SH3KBP1: variants seen among roughly 807,000 people sequenced by gnomAD.
SH3KBP1 encodes the protein SH3 domain-containing kinase-binding protein 1.
A neutral mutation model predicts 50.1 loss-of-function variants in SH3KBP1; 8 were observed. The observed-to-expected ratio is 0.16, with a 90% confidence interval of 0.09 to 0.29. The LOEUF is 0.29. SH3KBP1 is among the 10% of genes least tolerant of loss of function. The pLI is 1.00. For synonymous variants in SH3KBP1, 227 were observed against 218.6 expected, an observed-to-expected ratio of 1.04 and a Z score of -0.34; for missense variants, 377 against 535.2, an observed-to-expected ratio of 0.70 and a Z score of 2.92.
At chrX:19,572,480 T>C (rs1448162727) in intron 12 of SH3KBP1, among the ~76,000 whole-genome samples, 1 of 106,339 alleles carries the variant, frequency 9.4e-6, no homozygotes, top group East Asian at 2.8e-4. Context: ...CTATATATAG[T>C]ACATATATGT....
chrX:19,560,014 C>T (rs1303208062), intron 13 of SH3KBP1, among the ~76,000 whole-genome samples: 1 of 110,801 alleles, frequency 9.0e-6, no homozygotes, highest in Non-Finnish European at 1.9e-5. Flanking sequence ...GAGCCAGGTG[C>T]AGTAGCATGC....
intron 12 of SH3KBP1, among the ~76,000 whole-genome samples, chrX:19,583,057 G>C (rs2066424397): frequency 9.2e-6 from 1 of 108,541 alleles, no homozygotes; most frequent in Non-Finnish European, 1.9e-5. Context: ...TTCTTCTTTT[G>C]GACTCTTCTC....
intron 6 of SH3KBP1, chrX:19,670,853 A>AAAAAAAAAAAAAAAAT: frequency 1.7e-6 from 2 of 1,146,356 alleles, no homozygotes; most frequent in African/African-American, 1.9e-5. Context: ...AAAAAAAAAA[A>AAAAAAAAAAAAAAAAT]AGAAATACCT....
At chrX:19,788,758 T>C (rs2066441572) in intron 2 of SH3KBP1, among the ~76,000 whole-genome samples, 1 of 112,260 alleles carries the variant, frequency 8.9e-6, no homozygotes, top group Non-Finnish European at 1.9e-5. Flanking sequence ...ACCTATAAAG[T>C]ACCAATCTCT....
intron 9 of SH3KBP1, among the ~76,000 whole-genome samples, chrX:19,604,163 G>A (rs1457744574): frequency 3.6e-5 from 4 of 111,525 alleles, no homozygotes; most frequent in Non-Finnish European, 5.6e-5. Context: ...TAATCTTTCC[G>A]TTCTGGTATT....
chrX:19,832,254 C>T (rs1443374703), intron 2 of SH3KBP1, among the ~76,000 whole-genome samples: 1 of 111,326 alleles, frequency 9.0e-6, no homozygotes, highest in Non-Finnish European at 1.9e-5. Context: ...CAATTCAGGC[C>T]CAGAGGAGAG....
At chrX:19,542,832 G>T (rs776480378) in intron 15 of SH3KBP1, among the ~76,000 whole-genome samples, 2 of 111,796 alleles carry the variant, frequency 1.8e-5, no homozygotes, top group Non-Finnish European at 3.8e-5. Flanking sequence ...CTGCTAGACC[G>T]TCAGAGGGGG....
chrX:19,553,951 TAAA>T (rs1349713394), intron 13 of SH3KBP1, among the ~76,000 whole-genome samples: 1 of 66,220 alleles, frequency 1.5e-5, no homozygotes, highest in Non-Finnish European at 2.4e-5. Context: ...TAATATATAT[TAAA>T]ATATAATATA....
chrX:19,592,771 G>T (rs1351700773), intron 10 of SH3KBP1, among the ~76,000 whole-genome samples: 1 of 112,471 alleles, frequency 8.9e-6, no homozygotes, highest in Non-Finnish European at 1.9e-5. Context: ...CATGTAAGAA[G>T]TCAACTACCC....
intron 9 of SH3KBP1, among the ~76,000 whole-genome samples, chrX:19,601,092 T>G (rs1239261224): frequency 8.9e-6 from 1 of 111,859 alleles, no homozygotes. Context: ...ATGCCTTCCA[T>G]AGTCTTCATA....
intron 2 of SH3KBP1, among the ~76,000 whole-genome samples, chrX:19,750,116 A>G (rs1265920270): frequency 9.0e-6 from 1 of 111,248 alleles, no homozygotes; most frequent in Non-Finnish European, 1.9e-5. Context: ...CTGGAGTACA[A>G]TGGCGTGATC....
chrX:19,556,145 A>T (rs773495695), intron 13 of SH3KBP1, among the ~76,000 whole-genome samples: 6 of 112,510 alleles, frequency 5.3e-5, no homozygotes, highest in African/African-American at 1.9e-4. Context: ...TCAGCTTCAT[A>T]AGATTATTCT....
intron 3 of SH3KBP1, among the ~76,000 whole-genome samples, chrX:19,723,594 G>A (rs1224744760): frequency 8.9e-6 from 1 of 112,185 alleles, no homozygotes; most frequent in Non-Finnish European, 1.9e-5. Flanking sequence ...GAGATCTGTA[G>A]GGATGACCAT....
At chrX:19,772,588 T>C (rs1207317310) in intron 2 of SH3KBP1, among the ~76,000 whole-genome samples, 2 of 111,057 alleles carry the variant, frequency 1.8e-5, no homozygotes, top group African/African-American at 6.6e-5. Flanking sequence ...ACATTGAACA[T>C]GAAAATTAAC....
chrX:19,548,618 C>G (rs1014614530), intron 14 of SH3KBP1, among the ~76,000 whole-genome samples: 1 of 111,782 alleles, frequency 8.9e-6, no homozygotes, highest in Non-Finnish European at 1.9e-5. Flanking sequence ...TCAAACCATA[C>G]TTCCAGACTC....
chrX:19,595,532 T>C lies in SH3KBP1; in HGVS notation c.1006-532A>G, dbSNP rs192457875. Among the ~76,000 whole-genome samples the C allele has an allele frequency of 6.2e-5, 7 of 112,111 alleles. 1 individual carries two copies. The East Asian group carries it at 2.0e-3, about 31-fold the overall frequency. On this transcript the variant is annotated intron_variant, in intron 9 of 17. Coordinates refer to ENST00000397821, the MANE Select transcript of SH3KBP1 (RefSeq NM_031892.3). ...ATTTGTTAGACACCCCACAGACTCATTGTACATGTGATAAACTGGAACAGA... is the reference window on the plus strand; with the variant it reads ...ATTTGTTAGACACCCCACAGACTCACTGTACATGTGATAAACTGGAACAGA...
chrX:19,855,558 G>T (rs2068622111), intron 1 of SH3KBP1, among the ~76,000 whole-genome samples: 1 of 111,776 alleles, frequency 8.9e-6, no homozygotes, highest in Non-Finnish European at 1.9e-5. Context: ...CCTCCAAACA[G>T]ATTTAAGCTC....
chrX:19,720,978 G>C (rs2064044060), intron 3 of SH3KBP1, among the ~76,000 whole-genome samples: 1 of 111,343 alleles, frequency 9.0e-6, no homozygotes, highest in African/African-American at 3.3e-5. Context: ...CGGAGATTTA[G>C]AAAGTGTCAA....
intron 1 of SH3KBP1, among the ~76,000 whole-genome samples, chrX:19,884,466 G>A (rs2069533949): frequency 8.9e-6 from 1 of 112,579 alleles, no homozygotes; most frequent in Non-Finnish European, 1.9e-5. Context: ...AAACCACCAA[G>A]GTTTGTGTAA....
Sources: gnomAD v4.1 joint callset for allele counts (sites outside exome capture counted in the v4.1 genomes callset) on GRCh38, gnomAD v4.1.1 for gene constraint, MANE v1.5 for transcripts, NCBI Gene and HGNC (gene_info 2026-07-23, HGNC 2026-07-21) for gene names.